Variants in PAX8 observed in about 807,000 individuals in gnomAD.
PAX8 encodes paired box protein Pax-8.
In PAX8, 15 loss-of-function variants were observed where a neutral mutation model predicts 52.4. That is an observed-to-expected ratio of 0.29 (90% CI 0.19 to 0.44). The LOEUF (loss-of-function observed/expected upper bound fraction) is 0.44. PAX8 is among the 20% of genes least tolerant of loss of function. PAX8 has a pLI of 1.00. For synonymous variants in PAX8, 284 were observed against 249.7 expected (o/e 1.14, Z -1.29); for missense variants, 554 against 602.5 (o/e 0.92, Z 0.84).
At chr2:113,245,576 T>G (rs1047228483) in intron 3 of PAX8, among the ~76,000 whole-genome samples, 1 of 152,156 alleles carries the variant, frequency 6.6e-6, no homozygotes, top group African/African-American at 2.4e-5. Flanking sequence ...TCCAACTTGT[T>G]AAGCTGAGCC....
intron 9 of PAX8, among the ~76,000 whole-genome samples, chr2:113,231,840 T>G (rs1689915637): frequency 6.6e-6 from 1 of 152,246 alleles, no homozygotes; most frequent in Non-Finnish European, 1.5e-5. Context: ...GCAATTCTCC[T>G]GCCTCAGCCT....
intron 2 of PAX8, chr2:113,267,545 G>A (rs1693172105): frequency 6.6e-6 from 1 of 152,180 alleles, no homozygotes; most frequent in South Asian, 2.1e-4. Context: ...GCAAGAACAG[G>A]GAGGTCACAT....
rs1020461557 is a variant in PAX8 at position 113,218,342 on chromosome 2, C to T, written c.*191G>A. On this transcript the variant is annotated 3_prime_UTR_variant, in exon 12 of 12. Transcript: ENST00000429538. ...CCCCTCATTAAGGAGTCTTGGAGGA[C>T]AGTTTGGCCTTGTCCAAGGTCATCC... The T allele has an allele frequency of 9.3e-6, 4 of 430,468 alleles. No individual in the cohort carries two copies. In the Admixed American group the frequency reaches 1.2e-4, roughly 13 times the overall value. The allele number at this position is 430,468 out of a possible 1,614,324, so 26.7% of individuals were successfully genotyped here.
intron 3 of PAX8, among the ~76,000 whole-genome samples, chr2:113,245,608 C>T (rs960534952): frequency 1.8e-4 from 28 of 152,176 alleles, no homozygotes; most frequent in Admixed American, 7.2e-4. Context: ...GGCCTCCACC[C>T]TTCCCCTCCC....
intron 10 of PAX8, among the ~76,000 whole-genome samples, chr2:113,221,826 G>A (rs895510848): frequency 1.3e-5 from 2 of 152,024 alleles, no homozygotes; most frequent in African/African-American, 4.8e-5. Context: ...AAAGGCTACT[G>A]GATCCTCTCC....
At chr2:113,229,979 C>T (rs1689792923) in intron 9 of PAX8, among the ~76,000 whole-genome samples, 1 of 152,172 alleles carries the variant, frequency 6.6e-6, no homozygotes, top group South Asian at 2.1e-4. Context: ...CAGGCTGGAC[C>T]CTGGATGAAA....
intron 2 of PAX8, among the ~76,000 whole-genome samples, chr2:113,249,146 T>G (rs1364241542): frequency 6.6e-6 from 1 of 152,228 alleles, no homozygotes. Context: ...CAAGTCTTCC[T>G]AGTGACTGCT....
At chr2:113,258,540 C>T (rs1692427220) in intron 2 of PAX8, among the ~76,000 whole-genome samples, 1 of 152,190 alleles carries the variant, frequency 6.6e-6, no homozygotes, top group Non-Finnish European at 1.5e-5. Context: ...TTTGGCCATC[C>T]CCCTTCCCTG....
intron 7 of PAX8, chr2:113,237,041 G>GTGTAT: frequency 2.8e-6 from 1 of 362,790 alleles, no homozygotes; most frequent in Non-Finnish European, 5.1e-6. Context: ...CCCACAGAAT[G>GTGTAT]CAGGACGGTG....
At chr2:113,262,766 G>A (rs995200583) in intron 2 of PAX8, among the ~76,000 whole-genome samples, 4 of 152,150 alleles carry the variant, frequency 2.6e-5, no homozygotes, top group Non-Finnish European at 5.9e-5. Context: ...ACAAGCCAAG[G>A]AATGCCAAAG....
chr2:113,253,625 G>A (rs1451491973), intron 2 of PAX8, among the ~76,000 whole-genome samples: 1 of 152,104 alleles, frequency 6.6e-6, no homozygotes, highest in South Asian at 2.1e-4. Context: ...TCTCCCTGTC[G>A]TATCTAGTTA....
intron 2 of PAX8, among the ~76,000 whole-genome samples, chr2:113,261,328 G>A (rs1159986717): frequency 6.6e-6 from 1 of 152,132 alleles, no homozygotes; most frequent in African/African-American, 2.4e-5. Context: ...CTACAACTCT[G>A]GGACTGCCCT....
chr2:113,267,202 G>C (rs910161195), intron 2 of PAX8: 1 of 152,370 alleles, frequency 6.6e-6, no homozygotes, highest in Non-Finnish European at 1.5e-5. Flanking sequence ...CTAGCTGGCA[G>C]CCACCTGCCT....
At chr2:113,229,567 A>G (rs1689769372) in intron 9 of PAX8, among the ~76,000 whole-genome samples, 2 of 152,250 alleles carry the variant, frequency 1.3e-5, no homozygotes, top group South Asian at 4.1e-4. Flanking sequence ...GAAACCCACT[A>G]GAATTCTACA....
intron 2 of PAX8, chr2:113,269,760 AAT>A (rs1273127860): frequency 7.9e-5 from 12 of 152,200 alleles, no homozygotes; most frequent in African/African-American, 2.9e-4. Context: ...TTTAAAAATA[AAT>A]ATATGATTCC....
chr2:113,241,522 T>C, intron 7 of PAX8, 29 bp downstream of exon 7: 1 of 1,580,480 alleles, frequency 6.3e-7, no homozygotes, highest in Non-Finnish European at 8.6e-7. Flanking sequence ...TTGCCCACCC[T>C]GTTCACCTCC....
intron 2 of PAX8, chr2:113,274,044 G>C (rs915148950): frequency 1.3e-5 from 2 of 152,178 alleles, no homozygotes; most frequent in African/African-American, 4.8e-5. Context: ...GCGTGTGTGT[G>C]TGTCTCTACT....
At chr2:113,261,701 T>A (rs1006835496) in intron 2 of PAX8, among the ~76,000 whole-genome samples, 1 of 152,202 alleles carries the variant, frequency 6.6e-6, no homozygotes, top group Non-Finnish European at 1.5e-5. Context: ...CCTAAATCCC[T>A]GTCTTAGCCC....
At chr2:113,254,334 GAAAT>G (rs1306863815) in intron 2 of PAX8, among the ~76,000 whole-genome samples, 1 of 152,180 alleles carries the variant, frequency 6.6e-6, no homozygotes, top group African/African-American at 2.4e-5. Context: ...AGTAAATACA[GAAAT>G]AAATGTGTAA....
Sources: allele counts gnomAD v4.1 joint callset (sites outside exome capture counted in the v4.1 genomes callset), GRCh38; gene constraint gnomAD v4.1.1; transcripts MANE v1.5; gene names NCBI Gene and HGNC (gene_info 2026-07-23, HGNC 2026-07-21).